The following CFAP52 variants were observed in gnomAD, a reference collection of about 807,000 sequenced individuals.
CFAP52 encodes cilia- and flagella-associated protein 52.
In CFAP52, 57 loss-of-function variants were observed where a neutral mutation model predicts 70.5. The observed-to-expected ratio is 0.81, with a 90% confidence interval of 0.65 to 1.01. The LOEUF is 1.01. CFAP52 is among the 50% of genes least tolerant of loss of function. The pLI is 0.00. For missense variants in CFAP52, 785 were observed against 788.5 expected, an observed-to-expected ratio of 1.00 and a Z score of 0.05; for synonymous variants, 267 against 292.5, an observed-to-expected ratio of 0.91 and a Z score of 0.89.
At chr17:9,631,267 C>T (rs1049546572) in intron 9 of CFAP52, among the ~76,000 whole-genome samples, 3 of 151,984 alleles carry the variant, frequency 2.0e-5, no homozygotes, top group Non-Finnish European at 4.4e-5. Context: ...CCCCTTCTAG[C>T]CATACTTTCT....
At chr17:9,604,499 G>A (rs1237128707) in intron 6 of CFAP52, among the ~76,000 whole-genome samples, 1 of 152,136 alleles carries the variant, frequency 6.6e-6, no homozygotes, top group East Asian at 1.9e-4. Flanking sequence ...CGGGCGCAGT[G>A]GCTTGTGCCT....
chr17:9,632,942 A>G lies in CFAP52; in HGVS notation c.1229A>G (p.Tyr410Cys), dbSNP rs1231807993. The change falls in exon 10 of 14, where the codon TAT becomes TGT. Residue 410 changes from tyrosine (Y) to cysteine (C), a missense_variant. Physicochemically the swap from Tyr to Cys is radical, Grantham distance 194. Transcript: ENST00000352665. Reference protein sequence around the residue: ...AFAPETGRLMYVINNAHRIGV... With the variant: ...AFAPETGRLMCVINNAHRIGV... ...GCCCCAGAGACAGGCCGACTGATGT[A>G]TGTCATTAACAATGCTCACAGGATC... The G allele has an allele frequency of 1.2e-6, 2 of 1,614,248 alleles. No homozygotes were observed. The highest frequency in any genetic ancestry group is 1.3e-5 in the African/African-American group (1 of 75,078).
chr17:9,634,765 A>G (rs1180808449), intron 10 of CFAP52, among the ~76,000 whole-genome samples: 1 of 152,190 alleles, frequency 6.6e-6, no homozygotes, highest in African/African-American at 2.4e-5. Context: ...CTCCATCTCA[A>G]AAAATGAAGG....
intron 7 of CFAP52, among the ~76,000 whole-genome samples, chr17:9,608,780 A>G (rs1050923902): frequency 8.6e-5 from 13 of 152,010 alleles, no homozygotes; most frequent in Admixed American, 5.2e-4. Context: ...GTGCTTATTC[A>G]GCACCTCCTC....
intron 11 of CFAP52, among the ~76,000 whole-genome samples, chr17:9,637,084 C>T (rs1395282541): frequency 6.6e-6 from 1 of 152,034 alleles, no homozygotes; most frequent in Non-Finnish European, 1.5e-5. Context: ...AAAAAAAACC[C>T]GACAAAGCAA....
intron 1 of CFAP52, among the ~76,000 whole-genome samples, chr17:9,581,486 G>T (rs1220421242): frequency 6.6e-6 from 1 of 151,912 alleles, no homozygotes; most frequent in African/African-American, 2.4e-5. Context: ...TATGATATGA[G>T]CCTATTACAG....
chr17:9,588,677 T>G (rs766347200), intron 3 of CFAP52, among the ~76,000 whole-genome samples: 89 of 152,114 alleles, frequency 5.9e-4, no homozygotes, highest in Non-Finnish European at 1.0e-3. Context: ...CCCCATTCAG[T>G]GTGATAATTT....
rs34653219 is a variant in CFAP52, at chr17:9,594,294, G to A, written c.509G>A (p.Arg170Gln). The part of the protein sequence containing the change: ...NATNVIFSRC[R>Q]DEMFMTAGNG... ...ACCAATGTGATCTTCTCCAGGTGCC[G>A]GGATGAGATGTTTATGACTGCTGGA... is the stretch of plus-strand genomic sequence containing the variant. The change falls in exon 4 of 14, where the codon CGG (arginine) becomes CAG (glutamine). Residue 170 changes from arginine to glutamine, a missense_variant. Arg to Gln is a conservative substitution (Grantham distance 43, BLOSUM62 1). Transcript: ENST00000352665. The A allele has an allele frequency of 3.5e-5, 56 of 1,613,888 alleles. No individual in the cohort carries two copies. The highest frequency in any genetic ancestry group is 1.7e-4 in the Middle Eastern group (1 of 6,056).
intron 9 of CFAP52, among the ~76,000 whole-genome samples, chr17:9,632,255 T>G (rs797013726): frequency 8.0e-4 from 105 of 131,726 alleles, no homozygotes; most frequent in African/African-American, 3.0e-3. Context: ...TTTTTTTTTG[T>G]TTTTTTTTTT....
At chr17:9,641,637 T>C in intron 12 of CFAP52, 87 bp from the exon 13 acceptor site, 1 of 948,372 alleles carries the variant, frequency 1.1e-6, no homozygotes, top group Non-Finnish European at 1.7e-6. Flanking sequence ...CTCCCTTCTA[T>C]ATAAAGTAGA....
At chr17:9,595,836 GTTTAAGTATT>G (rs1402408515) in intron 4 of CFAP52, among the ~76,000 whole-genome samples, 1 of 150,474 alleles carries the variant, frequency 6.6e-6, no homozygotes, top group African/African-American at 2.4e-5. Flanking sequence ...TGTCCTGCAA[GTTTAAGTATT>G]TCAGAATCCA....
chr17:9,637,242 A>C (rs922478855), intron 11 of CFAP52, among the ~76,000 whole-genome samples: 2 of 152,186 alleles, frequency 1.3e-5, no homozygotes, highest in African/African-American at 4.8e-5. Flanking sequence ...ACTTGTAGGA[A>C]GTGTTAGGCT....
chr17:9,616,332 T>C (rs1173130587), intron 8 of CFAP52, among the ~76,000 whole-genome samples: 45 of 121,656 alleles, frequency 3.7e-4, no homozygotes, highest in African/African-American at 1.4e-3. Context: ...ATCCCACACC[T>C]GGCTCAGAGG....
intron 12 of CFAP52, among the ~76,000 whole-genome samples, chr17:9,639,665 G>T (rs1910968810): frequency 6.6e-6 from 1 of 152,136 alleles, no homozygotes; most frequent in Non-Finnish European, 1.5e-5. Flanking sequence ...ATGAGATGGT[G>T]AAAGGACTGA....
At chr17:9,583,823 A>G (rs1908328477) in intron 1 of CFAP52, among the ~76,000 whole-genome samples, 1 of 152,332 alleles carries the variant, frequency 6.6e-6, no homozygotes, top group African/African-American at 2.4e-5. Context: ...AAGGGTTTAT[A>G]ATTGTTGAGA....
At position 9,612,421 on chromosome 17, in the gene CFAP52, A is replaced by G. The variant is rs1909750916; in HGVS notation, c.967A>G (p.Lys323Glu). 6.2e-7 allele frequency: 1 copy of G among 1,614,084 alleles called. No homozygotes were observed. The highest frequency in any genetic ancestry group is 1.3e-5 in the African/African-American group (1 of 74,942). ...HIYRVSFTDF[K>E]ETLIATCHFD... ...TTATCGTGTCAGCTTCACGGATTTC[A>G]AAGAGACGCTCATAGCGACTTGTCA... The change falls in exon 8 of 14, where the codon AAA becomes GAA. Residue 323 changes from lysine to glutamate, a missense_variant. Lys to Glu is a moderately conservative substitution (Grantham distance 56). Coordinates refer to ENST00000352665, the MANE Select transcript of CFAP52 (RefSeq NM_145054.5).
chr17:9,606,778 G>T (rs1457055366), intron 6 of CFAP52, among the ~76,000 whole-genome samples: 1 of 152,128 alleles, frequency 6.6e-6, no homozygotes, highest in Non-Finnish European at 1.5e-5. Context: ...TCCATGTTTT[G>T]TCTCCTCATA....
At chr17:9,580,688 CAAAA>C (rs34077753) in intron 1 of CFAP52, among the ~76,000 whole-genome samples, 5 of 123,240 alleles carry the variant, frequency 4.1e-5, no homozygotes, top group Admixed American at 8.1e-5. Context: ...GACCTGGTCT[CAAAA>C]AAAAAAAAAA....
Position 9,585,771 on chromosome 17 carries a change from A to C in CFAP52, c.71-2A>C. The C allele has an allele frequency of 6.2e-7, 1 of 1,614,058 alleles. No individual in the cohort carries two copies. ...TTATTACTGTGAATCTCTCTCTTTT[A>C]GGACATGTGCCCACTGGTCTCAAAT... On this transcript the variant is annotated splice_acceptor_variant, in intron 1 of 13. Transcript: ENST00000352665. LOFTEE classifies it high-confidence loss of function.
Sources: allele counts gnomAD v4.1 joint callset (sites outside exome capture counted in the v4.1 genomes callset), GRCh38; gene constraint gnomAD v4.1.1; transcripts MANE v1.5; gene names NCBI Gene and HGNC (gene_info 2026-07-23, HGNC 2026-07-21).